C10orf105: variants seen among roughly 807,000 people sequenced by gnomAD.
C10orf105 encodes the protein chromosome 10 open reading frame 105, also known as uncharacterized protein C10orf105.
Under a neutral mutation model 0.6 loss-of-function variants are expected in C10orf105, and 2 were observed. The ratio of observed to expected loss-of-function variants is 3.18; its 90% CI spans 1.30 to 10.01. The LOEUF (loss-of-function observed/expected upper bound fraction) is 10.01, where lower values mean the gene tolerates loss of function less well. Ranked by LOEUF, C10orf105 falls within the 30% of genes most tolerant of loss-of-function variation. The probability of loss-of-function intolerance (pLI) is 0.04; values close to 1 mark genes in which losing one functional copy is unlikely to be tolerated. For synonymous variants in C10orf105, 95 were observed against 82.4 expected, an observed-to-expected ratio of 1.15 and a Z score of -0.83; for missense variants, 209 against 191.4, an observed-to-expected ratio of 1.09 and a Z score of -0.54.
At chr10:71,718,934 C>T (rs1358022067) in intron 1 of C10orf105, among the ~76,000 whole-genome samples, 1 of 151,858 alleles carries the variant, frequency 6.6e-6, no homozygotes, top group African/African-American at 2.4e-5. Context: ...TTTAATTAGC[C>T]AGGTGTGGTA....
intron 1 of C10orf105, chr10:71,730,652 C>T: frequency 6.2e-7 from 1 of 1,607,856 alleles, no homozygotes; most frequent in South Asian, 1.1e-5. Context: ...CAGAGCAAAC[C>T]TCCCCAGCTC....
rs1202799001 is a variant in C10orf105, at chr10:71,714,061, T to C, written c.*1875A>G. 1.3e-5 allele frequency: 2 copies of C among 152,190 alleles called. No individual in the cohort carries two copies. Among genetic ancestry groups the C allele is most frequent in the East Asian group, 3.9e-4 (2 of 5,192 alleles). The allele number at this position is 152,190 out of a possible 1,614,324, so 9.4% of individuals were successfully genotyped here. On this transcript the variant is annotated 3_prime_UTR_variant, in exon 2 of 2. Coordinates refer to ENST00000441508, the MANE Select transcript of C10orf105 (RefSeq NM_001164375.3). ...CGAGTTAATATAGGGCAGCCCTGAG[T>C]TCTCCCATTTCTCAGGGAGAAATGC...
At chr10:71,730,213 C>T (rs2132818748) in intron 1 of C10orf105, among the ~76,000 whole-genome samples, 1 of 152,266 alleles carries the variant, frequency 6.6e-6, no homozygotes, top group African/African-American at 2.4e-5. Context: ...GTCAGATGTT[C>T]CACAGCATTA....
intron 1 of C10orf105, among the ~76,000 whole-genome samples, chr10:71,737,441 T>C (rs1197786672): frequency 6.6e-6 from 1 of 152,218 alleles, no homozygotes; most frequent in East Asian, 1.9e-4. Flanking sequence ...CCTATACTTC[T>C]GAGAGCTGCC....
chr10:71,716,500 G>T, intron 1 of C10orf105, 158 bp from the exon 2 acceptor site: 1 of 587,460 alleles, frequency 1.7e-6, no homozygotes, highest in Non-Finnish European at 2.9e-6. Context: ...AAGGTCCAGA[G>T]ACATCACAAG....
In C10orf105 at chr10:71,716,305, G is replaced by A; in HGVS notation, c.33C>T (p.Ser11=). 6.6e-7 allele frequency: 1 copy of A among 1,508,516 alleles called. No homozygotes were observed. Among genetic ancestry groups the A allele is most frequent in the Non-Finnish European group, 8.9e-7 (1 of 1,123,170 alleles). 93.4% of individuals were successfully genotyped at this position (1,508,516 alleles called of 1,614,324 possible). A position where few individuals can be genotyped will look rare whatever the true frequency, so the allele number is the denominator to read the frequency against. ...GAAAGGCGAGGGGGCTGATGGCTGG[G>A]GAGCTGGCGAGGCTGGGGCCCTCTG... is the stretch of plus-strand genomic sequence containing the variant. The part of the protein sequence containing the change: MSTEGPSLAS[S]PAISPLAFLS... Residue 11 remains serine (S), a synonymous_variant, in exon 2 of 2, where the codon TCC becomes TCT. Transcript: ENST00000441508.
At chr10:71,729,213 G>T (rs982734977) in intron 1 of C10orf105, among the ~76,000 whole-genome samples, 1 of 152,216 alleles carries the variant, frequency 6.6e-6, no homozygotes, top group Non-Finnish European at 1.5e-5. Context: ...GTGCTGGTAA[G>T]CGGTGAGGAA....
intron 1 of C10orf105, among the ~76,000 whole-genome samples, chr10:71,718,561 C>G (rs1389849957): frequency 6.6e-6 from 1 of 152,234 alleles, no homozygotes; most frequent in Non-Finnish European, 1.5e-5. Context: ...GGGGTGTGCC[C>G]ACCGCTCATT....
Position 71,718,192 on chromosome 10 carries a change from C to T in C10orf105, c.-6+1435G>A, listed in dbSNP as rs6480548. On this transcript the variant is annotated intron_variant, in intron 1 of 1. Coordinates refer to ENST00000441508, the MANE Select transcript of C10orf105 (RefSeq NM_001164375.3). The stretch of plus-strand genomic sequence containing the variant: ...CAGGAGGAGGAAAGATGTCAGGTCA[C>T]GCTCAGAGAAACCCTGCCACAGGTA... Among the ~76,000 whole-genome samples, 3 of 152,108 alleles carry T rather than the reference C, an allele frequency of 2.0e-5. No individual in the cohort carries two copies. The South Asian group carries it at 6.2e-4, about 31-fold the overall frequency.
chr10:71,720,468 C>T (rs1351320291), upstream of C10orf105, among the ~76,000 whole-genome samples: 1 of 150,946 alleles, frequency 6.6e-6, no homozygotes, highest in Admixed American at 6.6e-5. Flanking sequence ...CCCCAGCCTT[C>T]TTTCTCCCCA....
At position 71,730,683 on chromosome 10, in the gene C10orf105, C is replaced by G. The variant is rs906162544; in HGVS notation, c.-6+7045G>C. On this transcript the variant is annotated intron_variant, in intron 1 of 1. Coordinates refer to the C10orf105 transcript ENST00000398786. ...AGCTCACCCAGCCCCTCCTTCGAAA[C>G]GGTCATCCCTGATGCTTCAGGCTCC... 59 of 1,573,812 alleles carry G rather than the reference C, an allele frequency of 3.7e-5. 1 individual carries two copies. In the African/African-American group the frequency reaches 6.3e-4, roughly 17 times the overall value.
chr10:71,716,264 G>A lies in C10orf105; in HGVS notation c.74C>T (p.Thr25Ile), dbSNP rs200093795. The part of the protein sequence containing the change: ...SPLAFLSAPV[T>I]PGTLAEATDP... ...AGTTGCCTCTGCAAGGGTCCCGGGA[G>A]TGACGGGAGCTGAGAGAAAGGCGAG... Residue 25 changes from threonine (T) to isoleucine (I), a missense_variant, in exon 2 of 2, where the codon ACT becomes ATT. Physicochemically the swap from Thr to Ile is moderately conservative, Grantham distance 89. Transcript: ENST00000441508. The A allele has an allele frequency of 3.0e-3, 4,696 of 1,543,252 alleles. 10 individuals are homozygous for A. The highest frequency in any genetic ancestry group is 6.8e-3 in the Admixed American group (344 of 50,260).
chr10:71,719,197 G>A (rs796778010), intron 1 of C10orf105, among the ~76,000 whole-genome samples: 3 of 152,290 alleles, frequency 2.0e-5, no homozygotes, highest in African/African-American at 4.8e-5. Flanking sequence ...TGGAGCACGA[G>A]GCAAGTCCAG....
chr10:71,725,553 C>T, intron 1 of C10orf105: 2 of 1,600,102 alleles, frequency 1.2e-6, no homozygotes, highest in Non-Finnish European at 1.7e-6. Flanking sequence ...GTGCTGACCT[C>T]AGGACGGGGC....
chr10:71,735,504 G>A (rs115734066), intron 1 of C10orf105, among the ~76,000 whole-genome samples: 2,366 of 152,256 alleles, frequency 0.016, 62 homozygotes, highest in African/African-American at 0.054. Context: ...GGTGATCCCA[G>A]GACACTCAGC....
chr10:71,732,585 T>C, intron 1 of C10orf105: 1 of 1,330,670 alleles, frequency 7.5e-7, no homozygotes, highest in Non-Finnish European at 1.0e-6. Flanking sequence ...GTGAGCTGCG[T>C]TTGCACCACT....
chr10:71,719,034 T>C (rs758670493), intron 1 of C10orf105, among the ~76,000 whole-genome samples: 1 of 151,916 alleles, frequency 6.6e-6, no homozygotes, highest in Non-Finnish European at 1.5e-5. Flanking sequence ...GCTAGAATCA[T>C]GCCACTGCGC....
rs1047221124 is a variant in C10orf105 at position 71,712,558 on chromosome 10, C to A, written c.*3378G>T. The A allele has an allele frequency of 1.1e-5, 15 of 1,306,702 alleles. No individual in the cohort carries two copies. The highest frequency in any genetic ancestry group is 1.4e-5 in the Non-Finnish European group (13 of 933,522). 80.9% of individuals were successfully genotyped at this position (1,306,702 alleles called of 1,614,324 possible). On this transcript the variant is annotated 3_prime_UTR_variant, in exon 2 of 2. Transcript: ENST00000441508. ...CTTGCAAAGGCTAGGGCAGATGGGG[C>A]GGAACAGGGCACCTCTCTGGCCGGT...
upstream of C10orf105, among the ~76,000 whole-genome samples, chr10:71,723,128 A>G (rs1392285659): frequency 1.3e-5 from 2 of 152,210 alleles, no homozygotes; most frequent in East Asian, 3.8e-4. Flanking sequence ...AAGAAGGGGC[A>G]GACCCAAAAG....
Sources: allele counts gnomAD v4.1 joint callset (sites outside exome capture counted in the v4.1 genomes callset), GRCh38; gene constraint gnomAD v4.1.1; transcripts MANE v1.5; gene names NCBI Gene and HGNC (gene_info 2026-07-23, HGNC 2026-07-21).